Variants in PKHD1L1 observed in about 807,000 individuals in gnomAD.
The protein encoded by PKHD1L1 is fibrocystin-L.
A neutral mutation model predicts 462.9 loss-of-function variants in PKHD1L1; 434 were observed. The ratio of observed to expected loss-of-function variants is 0.94; its 90% CI spans 0.87 to 1.02. PKHD1L1 has a LOEUF of 1.02. Among genes scored for constraint, PKHD1L1 ranks in the 50% least tolerant of loss-of-function variants. The pLI is 0.00. For synonymous variants in PKHD1L1, 1,781 were observed against 1,750.0 expected, an observed-to-expected ratio of 1.02 and a Z score of -0.44; for missense variants, 5,202 against 5,096.1, an observed-to-expected ratio of 1.02 and a Z score of -0.63.
intron 24 of PKHD1L1, 68 bp downstream of exon 24, chr8:109,425,300 A>C: frequency 1.6e-6 from 2 of 1,259,284 alleles, no homozygotes; most frequent in Non-Finnish European, 2.1e-6. Flanking sequence ...TAAAGTGTTA[A>C]ATTTTGTTTA....
intron 14 of PKHD1L1, among the ~76,000 whole-genome samples, chr8:109,403,635 G>C (rs142969092): frequency 4.7e-4 from 71 of 152,212 alleles, no homozygotes; most frequent in African/African-American, 1.6e-3. Context: ...TGATGAGCAG[G>C]TTCTTATGGA....
intron 72 of PKHD1L1, among the ~76,000 whole-genome samples, chr8:109,516,873 CA>C (rs1436853643): frequency 1.3e-5 from 2 of 152,036 alleles, no homozygotes; most frequent in Non-Finnish European, 1.5e-5. Context: ...TGAACCCAGA[CA>C]AATGCTGAAT....
At position 109,533,304 on chromosome 8, in the gene PKHD1L1, T is replaced by C. The variant is rs181402821; in HGVS notation, c.*3214T>C. Reference sequence around the variant, plus strand: ...TGACATCTGAAGACTGATGGTATCATATATATGACATGTAACACAGTGCCT... The same window carrying C: ...TGACATCTGAAGACTGATGGTATCACATATATGACATGTAACACAGTGCCT... On this transcript the variant is annotated 3_prime_UTR_variant, in exon 78 of 78. Transcript: ENST00000378402. 2.6e-5 allele frequency among the ~76,000 whole-genome samples: 4 copies of C among 152,372 alleles called. No individual in the cohort carries two copies. Among genetic ancestry groups the C allele is most frequent in the African/African-American group, 9.6e-5 (4 of 41,580 alleles).
chr8:109,366,309 T>A (rs1482467705), intron 2 of PKHD1L1, among the ~76,000 whole-genome samples: 1 of 152,234 alleles, frequency 6.6e-6, no homozygotes, highest in Non-Finnish European at 1.5e-5. Context: ...AATTCCCGAT[T>A]TCTCTTACAG....
chr8:109,453,960 T>C (rs1297986386), intron 43 of PKHD1L1, among the ~76,000 whole-genome samples: 2 of 152,172 alleles, frequency 1.3e-5, no homozygotes, highest in Non-Finnish European at 2.9e-5. Flanking sequence ...TAAACTCCCA[T>C]GGTCTTGTCT....
At chr8:109,426,164 AATGTTTGTTTCTCTTTTATATTC>A in intron 24 of PKHD1L1, among the ~76,000 whole-genome samples, 1 of 152,192 alleles carries the variant, frequency 6.6e-6, no homozygotes. Context: ...GACATTCTCA[AATGTTTGTTTCTCTTTTATATTC>A]ATGACTTATA....
intron 2 of PKHD1L1, among the ~76,000 whole-genome samples, chr8:109,380,330 T>C (rs1365360287): frequency 6.6e-6 from 1 of 152,172 alleles, no homozygotes. Flanking sequence ...TGTTGTATAG[T>C]GGGTAGACTG....
intron 21 of PKHD1L1, among the ~76,000 whole-genome samples, chr8:109,418,328 G>A (rs1056238682): frequency 1.3e-5 from 2 of 152,136 alleles, no homozygotes; most frequent in African/African-American, 2.4e-5. Context: ...TGATGAGCTA[G>A]AGGTGGATCC....
intron 50 of PKHD1L1, chr8:109,470,138 T>C (rs1363420752): frequency 9.8e-6 from 6 of 610,662 alleles, no homozygotes; most frequent in South Asian, 4.8e-5. Context: ...ATATATTCCT[T>C]ACAAGTTGAT....
chr8:109,401,516 C>A lies in PKHD1L1; in HGVS notation c.1301C>A (p.Ser434Tyr), dbSNP rs1813272790. The part of the protein sequence containing the change: ...PEDKVRIAYH[S>Y]ANANSYFSSP... Reference sequence around the variant, plus strand: ...GATTAGGTGAGGATTGCATATCATTCTGCTAATGCCAACAGTTATTTTTCC... The same window carrying A: ...GATTAGGTGAGGATTGCATATCATTATGCTAATGCCAACAGTTATTTTTCC... Residue 434 changes from serine to tyrosine, a missense_variant, in exon 14 of 78, where the codon TCT becomes TAT. By Grantham distance (144) the Ser-to-Tyr change is moderately radical (BLOSUM62 -2). Transcript: ENST00000378402. 3 of 1,584,822 alleles carry A rather than the reference C, an allele frequency of 1.9e-6. No homozygotes were observed. The East Asian group carries it at 6.7e-5, about 36-fold the overall frequency.
chr8:109,382,231 C>A (rs779719217), intron 3 of PKHD1L1, among the ~76,000 whole-genome samples: 1 of 152,076 alleles, frequency 6.6e-6, no homozygotes, highest in Non-Finnish European at 1.5e-5. Context: ...CCAATGTGCA[C>A]AGTCGGAATA....
At chr8:109,449,201 A>T in intron 39 of PKHD1L1, 137 bp from the exon 40 acceptor site, 1 of 739,728 alleles carries the variant, frequency 1.4e-6, no homozygotes, top group Non-Finnish European at 2.0e-6. Context: ...AGAATAATGC[A>T]CTATAATTTC....
rs201766644 is a variant in PKHD1L1, at chr8:109,370,329, G to A, written c.163+5693G>A. ...CAGTTTCACCATGTTGGCCAGGCTG[G>A]TCTCGAATTCCTGACCTCAGGTGAT... is the stretch of plus-strand genomic sequence containing the variant. On this transcript the variant is annotated intron_variant, in intron 2 of 77. Coordinates refer to ENST00000378402, the MANE Select transcript of PKHD1L1 (RefSeq NM_177531.6). Among the ~76,000 whole-genome samples, 11 of 152,016 alleles carry A rather than the reference G, an allele frequency of 7.2e-5. No individual in the cohort carries two copies. The East Asian group carries it at 2.1e-3, about 29-fold the overall frequency.
At chr8:109,508,040 AT>A (rs1166713949) in intron 69 of PKHD1L1, 56 bp from the exon 70 acceptor site, 7 of 1,520,770 alleles carry the variant, frequency 4.6e-6, no homozygotes, top group East Asian at 4.5e-5. Context: ...TGTTATAAGG[AT>A]TTTTTTGCAA....
At chr8:109,492,858 C>T (rs1818902622) in intron 62 of PKHD1L1, among the ~76,000 whole-genome samples, 3 of 151,688 alleles carry the variant, frequency 2.0e-5, no homozygotes, top group African/African-American at 7.2e-5. Flanking sequence ...GTGCTCTATG[C>T]TTCCATTTTT....
intron 14 of PKHD1L1, 71 bp downstream of exon 14, chr8:109,401,659 T>G: frequency 1.3e-6 from 1 of 759,034 alleles, no homozygotes; most frequent in Non-Finnish European, 2.0e-6. Flanking sequence ...TTAAAATATT[T>G]TCAATTTATT....
At chr8:109,429,533 G>C in intron 26 of PKHD1L1, 71 bp downstream of exon 26, 1 of 1,421,622 alleles carries the variant, frequency 7.0e-7, no homozygotes, top group Non-Finnish European at 9.6e-7. Context: ...ATATGTTAAA[G>C]ACCTGGTGAA....
chr8:109,373,291 T>C (rs1315481438), intron 2 of PKHD1L1, among the ~76,000 whole-genome samples: 4 of 151,636 alleles, frequency 2.6e-5, no homozygotes, highest in Non-Finnish European at 4.4e-5. Context: ...TTTATTTGCA[T>C]AGAGGTGTTT....
intron 41 of PKHD1L1, 120 bp downstream of exon 41, chr8:109,451,269 G>A (rs796416050): frequency 1.3e-5 from 14 of 1,114,670 alleles, no homozygotes; most frequent in East Asian, 1.1e-4. Flanking sequence ...CTATATGCTC[G>A]TAACTTAAGC....
Sources: allele counts gnomAD v4.1 joint callset (sites outside exome capture counted in the v4.1 genomes callset), GRCh38; gene constraint gnomAD v4.1.1; transcripts MANE v1.5; gene names NCBI Gene and HGNC (gene_info 2026-07-23, HGNC 2026-07-21).